WWOX: variants seen among roughly 807,000 people sequenced by gnomAD.
The protein encoded by WWOX is WW domain-containing oxidoreductase.
A neutral mutation model predicts 46.2 loss-of-function variants in WWOX; 69 were observed. The ratio of observed to expected loss-of-function variants is 1.49; its 90% CI spans 1.23 to 1.82. The LOEUF is 1.82. WWOX is among the 40% of genes most tolerant of loss of function. The pLI is 0.00. For missense variants in WWOX, 919 were observed against 542.6 expected (o/e 1.69, Z -6.89); for synonymous variants, 359 against 202.6 (o/e 1.77, Z -6.56).
intron 5 of WWOX, among the ~76,000 whole-genome samples, chr16:78,370,980 CTT>C (rs66999008): frequency 1.5e-5 from 2 of 134,386 alleles, no homozygotes; most frequent in African/African-American, 2.8e-5. Context: ...GTTGTGATTT[CTT>C]TTTTTTTTTT....
chr16:78,178,484 G>A (rs951630836), intron 5 of WWOX, among the ~76,000 whole-genome samples: 8 of 152,270 alleles, frequency 5.3e-5, no homozygotes, highest in African/African-American at 1.7e-4. Context: ...TTCCTCTTAT[G>A]GGTAGTGATG....
intron 8 of WWOX, among the ~76,000 whole-genome samples, chr16:78,821,368 A>T (rs781359362): frequency 1.7e-4 from 26 of 152,130 alleles, no homozygotes; most frequent in Non-Finnish European, 3.2e-4. Context: ...CAACAGGTGT[A>T]TGTGGCCTCT....
chr16:78,190,534 A>G (rs1280977557), intron 5 of WWOX, among the ~76,000 whole-genome samples: 1 of 152,088 alleles, frequency 6.6e-6, no homozygotes, highest in Admixed American at 6.6e-5. Flanking sequence ...CGACCCCATG[A>G]TGGCTACAGT....
chr16:79,039,005 G>A (rs1235667974), intron 8 of WWOX, among the ~76,000 whole-genome samples: 4 of 152,098 alleles, frequency 2.6e-5, no homozygotes, highest in Non-Finnish European at 1.5e-5. Flanking sequence ...ACAAATGGGA[G>A]TTTTAATAGG....
chr16:78,579,453 A>T (rs568861251), intron 8 of WWOX, among the ~76,000 whole-genome samples: 1 of 152,194 alleles, frequency 6.6e-6, no homozygotes, highest in Admixed American at 6.5e-5. Flanking sequence ...ATGGGAGGGG[A>T]GGAGCGTGAG....
chr16:78,760,961 A>G (rs1597565752), intron 8 of WWOX, among the ~76,000 whole-genome samples: 1 of 152,116 alleles, frequency 6.6e-6, no homozygotes, highest in East Asian at 1.9e-4. Flanking sequence ...GCTTTATAAT[A>G]CCATCAGATC....
intron 8 of WWOX, among the ~76,000 whole-genome samples, chr16:78,910,123 T>C (rs561778413): frequency 6.6e-6 from 1 of 152,086 alleles, no homozygotes; most frequent in Non-Finnish European, 1.5e-5. Context: ...TTGTTAAATA[T>C]TCCTCGTCTG....
At chr16:78,970,395 C>T (rs7200078) in intron 8 of WWOX, among the ~76,000 whole-genome samples, 1 of 152,180 alleles carries the variant, frequency 6.6e-6, no homozygotes, top group Non-Finnish European at 1.5e-5. Flanking sequence ...TGCCCAGCAT[C>T]GTCCTTATTG....
At chr16:78,714,028 A>T (rs1269898429) in intron 8 of WWOX, among the ~76,000 whole-genome samples, 1 of 152,146 alleles carries the variant, frequency 6.6e-6, no homozygotes, top group East Asian at 1.9e-4. Context: ...GGGGGAAGGT[A>T]AGGGAACTGG....
chr16:78,360,358 G>A (rs1050362260), intron 5 of WWOX, among the ~76,000 whole-genome samples: 1 of 152,064 alleles, frequency 6.6e-6, no homozygotes, highest in Non-Finnish European at 1.5e-5. Flanking sequence ...GGCCGAAGCG[G>A]GCTGATCCCT....
intron 8 of WWOX, among the ~76,000 whole-genome samples, chr16:78,869,597 C>T (rs117775762): frequency 1.8e-4 from 28 of 152,156 alleles, no homozygotes; most frequent in Admixed American, 3.3e-4. Flanking sequence ...TTTGACACTG[C>T]GCATGGGCTC....
chr16:78,729,521 A>G (rs1250433475), intron 8 of WWOX, among the ~76,000 whole-genome samples: 1 of 152,080 alleles, frequency 6.6e-6, no homozygotes, highest in Non-Finnish European at 1.5e-5. Flanking sequence ...CCATGCAAAG[A>G]TAAAGGCAGA....
chr16:78,876,123 C>G (rs547222769), intron 8 of WWOX, among the ~76,000 whole-genome samples: 1 of 152,256 alleles, frequency 6.6e-6, no homozygotes, highest in African/African-American at 2.4e-5. Context: ...GTTTACATGA[C>G]TTTCTTACCT....
intron 8 of WWOX, among the ~76,000 whole-genome samples, chr16:78,699,344 C>T (rs2048164298): frequency 1.4e-5 from 2 of 147,702 alleles, no homozygotes; most frequent in African/African-American, 2.6e-5. Flanking sequence ...GACTGGGCAA[C>T]ATGGTGAAGC....
intron 8 of WWOX, among the ~76,000 whole-genome samples, chr16:78,693,471 C>T (rs1455315446): frequency 6.6e-6 from 1 of 152,064 alleles, no homozygotes; most frequent in Non-Finnish European, 1.5e-5. Flanking sequence ...TATTTTTTTC[C>T]ACATAATCCC....
At chr16:79,071,025 C>T (rs542194460) in intron 8 of WWOX, among the ~76,000 whole-genome samples, 11 of 152,098 alleles carry the variant, frequency 7.2e-5, no homozygotes, top group Non-Finnish European at 1.6e-4. Context: ...TCGAGGGATG[C>T]AGCCCATACG....
intron 8 of WWOX, among the ~76,000 whole-genome samples, chr16:78,532,590 C>G (rs1034706470): frequency 1.3e-5 from 2 of 151,996 alleles, no homozygotes; most frequent in Non-Finnish European, 2.9e-5. Flanking sequence ...AAAGGCATAC[C>G]CAATACTAGG....
chr16:78,677,031 G>A (rs1181528250), intron 8 of WWOX, among the ~76,000 whole-genome samples: 1 of 151,192 alleles, frequency 6.6e-6, no homozygotes, highest in Non-Finnish European at 1.5e-5. Flanking sequence ...AGCAACAAAA[G>A]CAGTTTTTAT....
intron 1 of WWOX, among the ~76,000 whole-genome samples, chr16:78,103,962 TGAGGTC>T (rs2031969604): frequency 6.6e-6 from 1 of 151,646 alleles, no homozygotes; most frequent in South Asian, 2.1e-4. Context: ...CTCCCAGGGG[TGAGGTC>T]GAGGTAGACC....
Sources: gnomAD v4.1 joint callset for allele counts (sites outside exome capture counted in the v4.1 genomes callset) on GRCh38, gnomAD v4.1.1 for gene constraint, MANE v1.5 for transcripts, NCBI Gene and HGNC (gene_info 2026-07-23, HGNC 2026-07-21) for gene names.